Variants in TLE1 observed in about 807,000 individuals in gnomAD.
TLE1 encodes the protein transducin-like enhancer protein 1.
Under a neutral mutation model 89.8 loss-of-function variants are expected in TLE1, and 21 were observed. That is an observed-to-expected ratio of 0.23 (90% CI 0.17 to 0.34). The LOEUF is 0.34. TLE1 is among the 10% of genes least tolerant of loss of function. The pLI is 1.00. For missense variants in TLE1, 795 were observed against 1,031.2 expected (o/e 0.77, Z 3.14); for synonymous variants, 447 against 407.6 (o/e 1.10, Z -1.16).
At chr9:81,639,583 T>C (rs537584546) in intron 6 of TLE1, among the ~76,000 whole-genome samples, 1 of 148,452 alleles carries the variant, frequency 6.7e-6, no homozygotes, top group Non-Finnish European at 1.5e-5. Context: ...TTGTTTTTTT[T>C]TTTTGTTTTT....
At chr9:81,677,754 G>A (rs1037454230) in intron 4 of TLE1, among the ~76,000 whole-genome samples, 26 of 152,080 alleles carry the variant, frequency 1.7e-4, no homozygotes, top group Admixed American at 9.8e-4. Flanking sequence ...ATTTGGACGC[G>A]CAAGTTCAAA....
chr9:81,675,935 G>A (rs113471832), intron 4 of TLE1, among the ~76,000 whole-genome samples: 7 of 152,008 alleles, frequency 4.6e-5, no homozygotes, highest in African/African-American at 9.6e-5. Flanking sequence ...TCCTGACCTC[G>A]TGATCCGCCC....
At chr9:81,612,502 T>A (rs749886539) in intron 12 of TLE1, 27 of 313,986 alleles carry the variant, frequency 8.6e-5, no homozygotes, top group Non-Finnish European at 1.2e-4. Flanking sequence ...AATATCAGGT[T>A]GCAAATTATG....
At chr9:81,684,805 T>A (rs192945917) in intron 4 of TLE1, among the ~76,000 whole-genome samples, 1 of 150,944 alleles carries the variant, frequency 6.6e-6, no homozygotes, top group Non-Finnish European at 1.5e-5. Context: ...AAAAAGTGAA[T>A]GTCAGCGTAT....
At chr9:81,599,864 CTT>C (rs574033907) in intron 14 of TLE1, 274 of 433,368 alleles carry the variant, frequency 6.3e-4, no homozygotes, top group African/African-American at 4.4e-3. Context: ...TTGGGAGACT[CTT>C]TGTTTCCTTA....
chr9:81,666,519 G>A (rs1831480290), intron 4 of TLE1, among the ~76,000 whole-genome samples: 1 of 151,916 alleles, frequency 6.6e-6, no homozygotes, highest in Non-Finnish European at 1.5e-5. Flanking sequence ...GCTCACACCT[G>A]TAATCCCAGC....
At chr9:81,677,066 G>A (rs773605381) in intron 4 of TLE1, among the ~76,000 whole-genome samples, 9 of 151,928 alleles carry the variant, frequency 5.9e-5, no homozygotes, top group Admixed American at 2.0e-4. Flanking sequence ...GAGAAACCCC[G>A]TCTCTACCAA....
chr9:81,661,116 C>T (rs55990374), intron 4 of TLE1, among the ~76,000 whole-genome samples: 8,857 of 148,154 alleles, frequency 0.06, 348 homozygotes, highest in Non-Finnish European at 0.083. Flanking sequence ...GAGTGAGACT[C>T]GGTCTCAAAA....
At chr9:81,687,537 T>C (rs1588287823) in intron 1 of TLE1, 103 bp from the exon 2 acceptor site, 2 of 835,608 alleles carry the variant, frequency 2.4e-6, no homozygotes, top group Non-Finnish European at 3.8e-6. Flanking sequence ...AACATAAAGT[T>C]AGAAGTGGCT....
At chr9:81,687,171 G>T (rs143297940) in intron 2 of TLE1, among the ~76,000 whole-genome samples, 163 bp downstream of exon 2, 2 of 152,228 alleles carry the variant, frequency 1.3e-5, no homozygotes, top group African/African-American at 4.8e-5. Context: ...GGCGGCCCGG[G>T]AAGAACCAGG....
At position 81,645,179 on chromosome 9, in the gene TLE1, G is replaced by C. The variant is rs12004638; in HGVS notation, c.372+7035C>G. 2.2e-3 allele frequency among the ~76,000 whole-genome samples: 340 copies of C among 151,400 alleles called. 5 individuals are homozygous for C. Among genetic ancestry groups the C allele is most frequent in the African/African-American group, 7.8e-3 (323 of 41,232 alleles). Reference sequence around the variant, plus strand: ...GTTCCAGACCAGCCTGACCAACATGGAGAAACCCTGTCTCTACTAAAAATA... The same window carrying C: ...GTTCCAGACCAGCCTGACCAACATGCAGAAACCCTGTCTCTACTAAAAATA... On this transcript the variant is annotated intron_variant, in intron 6 of 19. Transcript: ENST00000376499.
At chr9:81,656,355 T>G (rs1183141705) in intron 4 of TLE1, among the ~76,000 whole-genome samples, 1 of 152,206 alleles carries the variant, frequency 6.6e-6, no homozygotes, top group Non-Finnish European at 1.5e-5. Context: ...CTTAGGTCCT[T>G]GCTCCCAACT....
intron 15 of TLE1, 32 bp downstream of exon 15, chr9:81,592,980 CTCCAGGGAGAAAT>C: frequency 6.3e-7 from 1 of 1,586,048 alleles, no homozygotes; most frequent in South Asian, 1.1e-5. Context: ...CTTATTGAAT[CTCCAGGGAGAAAT>C]TGCCCTTGTG....
At chr9:81,683,289 G>A (rs1833852298) in intron 4 of TLE1, among the ~76,000 whole-genome samples, 2 of 150,996 alleles carry the variant, frequency 1.3e-5, no homozygotes, top group Admixed American at 6.6e-5. Flanking sequence ...CCCTGATGAT[G>A]CCTTGCTAGC....
intron 2 of TLE1, among the ~76,000 whole-genome samples, 164 bp downstream of exon 2, chr9:81,687,170 G>T (rs1004403908): frequency 6.6e-6 from 1 of 152,222 alleles, no homozygotes; most frequent in Non-Finnish European, 1.5e-5. Context: ...AGGCGGCCCG[G>T]GAAGAACCAG....
At chr9:81,682,676 AG>A (rs1833776389) in intron 4 of TLE1, among the ~76,000 whole-genome samples, 1 of 152,192 alleles carries the variant, frequency 6.6e-6, no homozygotes, top group Non-Finnish European at 1.5e-5. Flanking sequence ...GCAAACCACC[AG>A]GCTCACATCA....
intron 7 of TLE1, chr9:81,633,633 A>C: frequency 1.8e-6 from 1 of 542,174 alleles, no homozygotes; most frequent in East Asian, 2.8e-5. Flanking sequence ...TCAAAAAATT[A>C]GTCAAGTGCA....
chr9:81,593,223 A>G lies in TLE1; in HGVS notation c.1383T>C (p.Phe461=), dbSNP rs1275001775. The G allele has an allele frequency of 4.3e-6, 7 of 1,613,712 alleles. No homozygotes were observed. The African/African-American group carries it at 5.3e-5, about 12-fold the overall frequency. The change falls in exon 15 of 20, where the codon TTT becomes TTC. Residue 461 remains phenylalanine, a synonymous_variant. Coordinates refer to ENST00000376499, the MANE Select transcript of TLE1 (RefSeq NM_005077.5). ...CGGGTCCGATGAGGGCGTCGGGGGG[A>G]AAAGGGACAGGCTGCATCTGACCGT... ...TADGQMQPVP[F]PPDALIGPGI...
At chr9:81,612,289 T>C in intron 12 of TLE1, 2 of 1,088,682 alleles carry the variant, frequency 1.8e-6, no homozygotes, top group Non-Finnish European at 2.2e-6. Context: ...ACCAAGTGTT[T>C]ACCTGACTTA....
Sources: gnomAD v4.1 joint callset for allele counts (sites outside exome capture counted in the v4.1 genomes callset) on GRCh38, gnomAD v4.1.1 for gene constraint, MANE v1.5 for transcripts, NCBI Gene and HGNC (gene_info 2026-07-23, HGNC 2026-07-21) for gene names.